Variants in RABGAP1L observed in about 807,000 individuals in gnomAD.
RABGAP1L encodes the protein rab GTPase-activating protein 1-like.
Under a neutral mutation model 137.7 loss-of-function variants are expected in RABGAP1L, and 63 were observed. The ratio of observed to expected loss-of-function variants is 0.46; its 90% CI spans 0.37 to 0.56. The LOEUF (loss-of-function observed/expected upper bound fraction) is 0.56. Ranked by LOEUF, RABGAP1L falls within the 20% of genes least tolerant of loss-of-function variation. The pLI is 0.00. For synonymous variants in RABGAP1L, 431 were observed against 433.7 expected, an observed-to-expected ratio of 0.99 and a Z score of 0.08; for missense variants, 1,095 against 1,244.0, an observed-to-expected ratio of 0.88 and a Z score of 1.80.
intron 13 of RABGAP1L, among the ~76,000 whole-genome samples, chr1:174,484,683 G>T (rs1188342170): frequency 6.6e-6 from 1 of 152,094 alleles, no homozygotes; most frequent in Non-Finnish European, 1.5e-5. Context: ...GAGCAACTTT[G>T]TCAAAAATGA....
intron 13 of RABGAP1L, among the ~76,000 whole-genome samples, chr1:174,614,931 G>C (rs967359410): frequency 3.3e-5 from 5 of 152,092 alleles, no homozygotes; most frequent in African/African-American, 7.2e-5. Flanking sequence ...AGCTCCATCA[G>C]CTCCTTTAAG....
chr1:174,497,431 T>C (rs932234235), intron 13 of RABGAP1L, among the ~76,000 whole-genome samples: 3 of 152,210 alleles, frequency 2.0e-5, no homozygotes, highest in Non-Finnish European at 4.4e-5. Flanking sequence ...AAGGAAGCTA[T>C]ATTGCCTTCC....
At chr1:174,346,171 A>G (rs1337174476) in intron 11 of RABGAP1L, among the ~76,000 whole-genome samples, 4 of 152,166 alleles carry the variant, frequency 2.6e-5, no homozygotes, top group South Asian at 2.1e-4. Context: ...GGATTTTTGC[A>G]TAATTGTTCA....
intron 19 of RABGAP1L, among the ~76,000 whole-genome samples, chr1:174,942,759 T>C (rs1021762573): frequency 2.6e-5 from 4 of 152,326 alleles, no homozygotes; most frequent in African/African-American, 9.6e-5. Flanking sequence ...GGCAGAAGTA[T>C]GCTAATTTCA....
At chr1:174,688,317 A>AC (rs1431960463) in intron 15 of RABGAP1L, among the ~76,000 whole-genome samples, 8 of 152,112 alleles carry the variant, frequency 5.3e-5, no homozygotes, top group African/African-American at 1.9e-4. Flanking sequence ...TTTTAATTGA[A>AC]CATGTACCTT....
intron 19 of RABGAP1L, among the ~76,000 whole-genome samples, chr1:174,848,711 G>A (rs1366523669): frequency 1.4e-5 from 2 of 146,386 alleles, no homozygotes; most frequent in East Asian, 2.0e-4. Context: ...CAGAGGTGGA[G>A]CCTACAGAGG....
intron 19 of RABGAP1L, among the ~76,000 whole-genome samples, chr1:174,884,223 C>T (rs1474052974): frequency 2.6e-5 from 4 of 152,190 alleles, no homozygotes; most frequent in Non-Finnish European, 5.9e-5. Flanking sequence ...AGGAAGGGAG[C>T]TCTTTCTTGG....
chr1:174,849,149 C>T (rs1647732867), intron 19 of RABGAP1L, among the ~76,000 whole-genome samples: 1 of 152,142 alleles, frequency 6.6e-6, no homozygotes, highest in African/African-American at 2.4e-5. Context: ...GTGAGATGAA[C>T]CCGGTACCTC....
intron 11 of RABGAP1L, among the ~76,000 whole-genome samples, chr1:174,364,294 G>T (rs1468224900): frequency 9.6e-6 from 1 of 104,334 alleles, no homozygotes; most frequent in Non-Finnish European, 1.7e-5. Context: ...TCGCTCTGTC[G>T]CCCAGGCTGG....
At chr1:174,936,482 A>G (rs1486801246) in intron 19 of RABGAP1L, among the ~76,000 whole-genome samples, 3 of 152,100 alleles carry the variant, frequency 2.0e-5, no homozygotes, top group Non-Finnish European at 4.4e-5. Flanking sequence ...ACATGTCTGT[A>G]GTCCCAGCTC....
intron 13 of RABGAP1L, among the ~76,000 whole-genome samples, chr1:174,441,911 T>A (rs776454995): frequency 1.2e-4 from 18 of 151,852 alleles, no homozygotes; most frequent in Admixed American, 6.6e-4. Flanking sequence ...CTGAAACTCT[T>A]CATCTCATGT....
intron 21 of RABGAP1L, among the ~76,000 whole-genome samples, chr1:174,974,176 G>C (rs1329180520): frequency 6.6e-6 from 1 of 151,776 alleles, no homozygotes; most frequent in East Asian, 1.9e-4. Flanking sequence ...ATTTTTAGTA[G>C]AGACAGGGTT....
intron 13 of RABGAP1L, among the ~76,000 whole-genome samples, chr1:174,460,282 G>T (rs1656531158): frequency 6.6e-6 from 1 of 151,724 alleles, no homozygotes. Context: ...AATTGTCAAA[G>T]AAATAGTTGC....
At chr1:174,447,053 T>A (rs1403779720) in intron 13 of RABGAP1L, among the ~76,000 whole-genome samples, 2 of 152,180 alleles carry the variant, frequency 1.3e-5, no homozygotes, top group Non-Finnish European at 2.9e-5. Context: ...ATTATCATGC[T>A]CCATTATAAG....
chr1:174,579,912 C>T (rs114772635), intron 13 of RABGAP1L, among the ~76,000 whole-genome samples: 2,240 of 152,240 alleles, frequency 0.015, 44 homozygotes, highest in African/African-American at 0.051. Flanking sequence ...CAGTGTGTGC[C>T]ACCACGCCCA....
chr1:174,702,442 A>G (rs1291389580), intron 17 of RABGAP1L, among the ~76,000 whole-genome samples, 186 bp downstream of exon 17: 4 of 145,222 alleles, frequency 2.8e-5, no homozygotes, highest in Admixed American at 1.4e-4. Context: ...TGAGGAATGA[A>G]AATGTTAAGG....
intron 1 of RABGAP1L, among the ~76,000 whole-genome samples, chr1:174,201,505 C>A (rs1227452005): frequency 1.3e-5 from 2 of 152,078 alleles, no homozygotes; most frequent in African/African-American, 2.4e-5. Flanking sequence ...AGAAACTATT[C>A]TTTAGCTGTG....
At chr1:174,695,646 G>C (rs975875159) in intron 15 of RABGAP1L, among the ~76,000 whole-genome samples, 1 of 151,994 alleles carries the variant, frequency 6.6e-6, no homozygotes, top group Non-Finnish European at 1.5e-5. Flanking sequence ...TGTTTTCCTG[G>C]GTATTCTTGA....
chr1:174,563,546 T>C (rs1667366376), intron 13 of RABGAP1L, among the ~76,000 whole-genome samples: 1 of 152,172 alleles, frequency 6.6e-6, no homozygotes, highest in Non-Finnish European at 1.5e-5. Flanking sequence ...AATTAGCGTA[T>C]GCAAAGCATG....
Sources: allele counts gnomAD v4.1 joint callset (sites outside exome capture counted in the v4.1 genomes callset), GRCh38; gene constraint gnomAD v4.1.1; transcripts MANE v1.5; gene names NCBI Gene and HGNC (gene_info 2026-07-23, HGNC 2026-07-21).